The following UBE2K variants were observed in gnomAD, a reference collection of about 807,000 sequenced individuals.
UBE2K encodes ubiquitin-conjugating enzyme E2 K.
In UBE2K, 6 loss-of-function variants were observed where a neutral mutation model predicts 30.0. That is an observed-to-expected ratio of 0.20 (90% CI 0.11 to 0.39). UBE2K has a LOEUF of 0.39. Ranked by LOEUF, UBE2K falls within the 10% of genes least tolerant of loss-of-function variation. The pLI is 1.00. For synonymous variants in UBE2K, 86 were observed against 83.7 expected (o/e 1.03, Z -0.15); for missense variants, 61 against 241.6 (o/e 0.25, Z 4.96).
chr4:39,770,085 C>A, intron 4 of UBE2K: 1 of 1,548,714 alleles, frequency 6.5e-7, no homozygotes, highest in Non-Finnish European at 8.7e-7. Context: ...GCGCGGCTAG[C>A]GGATGAGGAC....
rs185295589 is a variant in UBE2K at position 39,750,604 on chromosome 4, G to C, written c.216+4794G>C. Among the ~76,000 whole-genome samples the C allele has an allele frequency of 3.2e-3, 482 of 152,218 alleles. 4 individuals carry two copies. The Middle Eastern group carries it at 0.054, about 17-fold the overall frequency. On this transcript the variant is annotated intron_variant, in intron 3 of 6. Coordinates refer to ENST00000261427, the MANE Select transcript of UBE2K (RefSeq NM_005339.5). ...ATACAGGGTCTTGCTACATTGCCCA[G>C]GCTGGTCTCAAACTCATAGCCTCAA...
Position 39,769,837 on chromosome 4 carries a change from C to T in UBE2K, c.300-4997C>T, listed in dbSNP as rs537435513. On this transcript the variant is annotated intron_variant, in intron 4 of 6. Coordinates refer to ENST00000261427, the MANE Select transcript of UBE2K (RefSeq NM_005339.5). ...AAGAGAAGGAAATCTTTCTCTGGGA[C>T]CCCGTATTCCCCTGGCCTACTCCAA... Among the ~76,000 whole-genome samples the T allele has an allele frequency of 2.0e-5, 3 of 152,220 alleles. No homozygotes were observed. The East Asian group carries it at 5.8e-4, about 29-fold the overall frequency.
At chr4:39,767,321 T>G (rs1415844539) in intron 4 of UBE2K, among the ~76,000 whole-genome samples, 2 of 149,464 alleles carry the variant, frequency 1.3e-5, no homozygotes, top group African/African-American at 2.5e-5. Context: ...GTGTGTGTGT[T>G]TTGTTTGTTT....
chr4:39,766,842 T>G (rs952773946), intron 4 of UBE2K, among the ~76,000 whole-genome samples: 2 of 152,154 alleles, frequency 1.3e-5, no homozygotes, highest in Non-Finnish European at 2.9e-5. Flanking sequence ...CTCTGCCTCC[T>G]GGGTGTTCAA....
chr4:39,775,859 C>G (rs1713255091), intron 5 of UBE2K, among the ~76,000 whole-genome samples: 1 of 152,052 alleles, frequency 6.6e-6, no homozygotes, highest in South Asian at 2.1e-4. Flanking sequence ...ATATTACCCT[C>G]TTTTCTTCCT....
intron 3 of UBE2K, among the ~76,000 whole-genome samples, chr4:39,754,669 C>A (rs1721438014): frequency 6.6e-6 from 1 of 152,058 alleles, no homozygotes; most frequent in African/African-American, 2.4e-5. Flanking sequence ...CCACCATGCC[C>A]AGCTAATTTT....
chr4:39,720,873 A>G (rs1719383936), intron 1 of UBE2K, among the ~76,000 whole-genome samples: 1 of 152,088 alleles, frequency 6.6e-6, no homozygotes, highest in South Asian at 2.1e-4. Flanking sequence ...CCTTCCGAGT[A>G]GCTAGTACTA....
intron 1 of UBE2K, among the ~76,000 whole-genome samples, chr4:39,709,339 ACTT>A (rs1718547061): frequency 6.6e-6 from 1 of 152,062 alleles, no homozygotes; most frequent in African/African-American, 2.4e-5. Context: ...GGGTTAAGGT[ACTT>A]CTAATAGTGT....
rs1383760778 is a variant in UBE2K, at chr4:39,716,096, A to AT, written c.63+17710dup. Among the ~76,000 whole-genome samples, 4 of 151,646 alleles carry AT rather than the reference A, an allele frequency of 2.6e-5. No homozygotes were observed. The East Asian group carries it at 7.7e-4, about 29-fold the overall frequency. On this transcript the variant is annotated intron_variant, in intron 1 of 6. Coordinates refer to ENST00000261427, the MANE Select transcript of UBE2K (RefSeq NM_005339.5). ...GTTGCTCTGATACTGCTCTTTTCTGATTTTCCTCTAACCTCTGTTACTATC... is the reference window on the plus strand; with the variant it reads ...GTTGCTCTGATACTGCTCTTTTCTGATTTTTCCTCTAACCTCTGTTACTATC...
chr4:39,766,940 G>A (rs192759038), intron 4 of UBE2K, among the ~76,000 whole-genome samples: 44 of 152,040 alleles, frequency 2.9e-4, no homozygotes, highest in African/African-American at 9.9e-4. Context: ...TAATAGAGAT[G>A]GTGTTTTACC....
At position 39,777,793 on chromosome 4, in the gene UBE2K, G is replaced by T. The variant is rs1713361311; in HGVS notation, c.511G>T (p.Ala171Ser). 6.6e-7 allele frequency: 1 copy of T among 1,519,692 alleles called. No homozygotes were observed. Among genetic ancestry groups the T allele is most frequent in the African/African-American group, 1.4e-5 (1 of 69,458 alleles). The allele number at this position is 1,519,692 out of a possible 1,614,324, so 94.1% of individuals were successfully genotyped here. The change falls in exon 6 of 7, where the codon GCT becomes TCT. Residue 171 changes from alanine (A) to serine (S), a missense_variant. Transcript: ENST00000261427. ...EYTKKIENLC[A>S]MGFDRNAVIV... is the part of the protein sequence containing the mutation. ...CACCAAAAAAATAGAAAACCTATGTGCTATGGGCTTTGATAGGGTAAGTAC... is the reference window on the plus strand; with the variant it reads ...CACCAAAAAAATAGAAAACCTATGTTCTATGGGCTTTGATAGGGTAAGTAC...
At chr4:39,753,351 G>GA (rs1721367391) in intron 3 of UBE2K, among the ~76,000 whole-genome samples, 1 of 148,992 alleles carries the variant, frequency 6.7e-6, no homozygotes, top group African/African-American at 2.4e-5. Context: ...CCTTCTCTGG[G>GA]GGGGAAAAAA....
intron 4 of UBE2K, among the ~76,000 whole-genome samples, chr4:39,764,759 A>C (rs1712202977): frequency 6.6e-6 from 1 of 151,948 alleles, no homozygotes; most frequent in Non-Finnish European, 1.5e-5. Context: ...CTCTTCATTC[A>C]AGTTTCTGAT....
At chr4:39,771,505 C>T in intron 4 of UBE2K, 1 of 1,448,686 alleles carries the variant, frequency 6.9e-7, no homozygotes, top group Non-Finnish European at 9.1e-7. Flanking sequence ...ATTTTCCCCA[C>T]CCCCGCGGGG....
intron 5 of UBE2K, among the ~76,000 whole-genome samples, chr4:39,776,297 T>G (rs534111716): frequency 1.3e-5 from 2 of 152,230 alleles, no homozygotes; most frequent in Non-Finnish European, 1.5e-5. Flanking sequence ...TTACTCTGAT[T>G]GCCATAGGTC....
intron 1 of UBE2K, among the ~76,000 whole-genome samples, chr4:39,732,521 G>A (rs1003237647): frequency 6.6e-6 from 1 of 151,878 alleles, no homozygotes; most frequent in Non-Finnish European, 1.5e-5. Context: ...CATTAGAACC[G>A]CTTTGAGTTC....
intron 3 of UBE2K, among the ~76,000 whole-genome samples, chr4:39,746,919 C>T (rs1721015372): frequency 6.6e-6 from 1 of 152,148 alleles, no homozygotes; most frequent in African/African-American, 2.4e-5. Context: ...ATGTATCTTT[C>T]TCTAGCTTTT....
intron 1 of UBE2K, among the ~76,000 whole-genome samples, chr4:39,703,479 C>G (rs535715923): frequency 2.6e-5 from 4 of 152,054 alleles, no homozygotes; most frequent in African/African-American, 9.7e-5. Context: ...TGTGACCGCA[C>G]TTTAGCCTGG....
chr4:39,728,973 C>CT lies in UBE2K; in HGVS notation c.64-8431dup, dbSNP rs76762722. Among the ~76,000 whole-genome samples the CT allele has an allele frequency of 5.9e-3, 811 of 137,488 alleles. 1 individual carries two copies. Among genetic ancestry groups the CT allele is most frequent in the Middle Eastern group, 0.015 (4 of 260 alleles). 90.2% of individuals were successfully genotyped at this position (137,488 alleles called of 152,430 possible). A position where few individuals can be genotyped will look rare whatever the true frequency, so the allele number is the denominator to read the frequency against. Reference sequence around the variant, plus strand: ...TGAGCCACCGCGCACAGCCCCCCACCTTTTTTTTTTTTTTTTAAGGAGTCT... The same window carrying CT: ...TGAGCCACCGCGCACAGCCCCCCACCTTTTTTTTTTTTTTTTTAAGGAGTCT... On this transcript the variant is annotated intron_variant, in intron 1 of 6. Transcript: ENST00000261427.
Sources: allele counts gnomAD v4.1 joint callset (sites outside exome capture counted in the v4.1 genomes callset), GRCh38; gene constraint gnomAD v4.1.1; transcripts MANE v1.5; gene names NCBI Gene and HGNC (gene_info 2026-07-23, HGNC 2026-07-21).